NBEA: variants seen among roughly 807,000 people sequenced by gnomAD.
NBEA encodes the protein neurobeachin.
In NBEA, 44 loss-of-function variants were observed where a neutral mutation model predicts 343.4. The ratio of observed to expected loss-of-function variants is 0.13; its 90% CI spans 0.10 to 0.16. The LOEUF (loss-of-function observed/expected upper bound fraction) is 0.16. NBEA is among the 10% of genes least tolerant of loss of function. NBEA has a pLI of 1.00. For synonymous variants in NBEA, 1,175 were observed against 1,238.7 expected (o/e 0.95, Z 1.08); for missense variants, 2,555 against 3,631.3 (o/e 0.70, Z 7.62).
At chr13:35,613,134 A>G (rs2082595902) in intron 48 of NBEA, among the ~76,000 whole-genome samples, 1 of 150,102 alleles carries the variant, frequency 6.7e-6, no homozygotes, top group Non-Finnish European at 1.5e-5. Context: ...TTGCTGTGCA[A>G]TAGAACACCA....
intron 40 of NBEA, among the ~76,000 whole-genome samples, chr13:35,453,339 T>C (rs971595907): frequency 2.0e-5 from 3 of 152,228 alleles, no homozygotes; most frequent in African/African-American, 7.2e-5. Flanking sequence ...ATTTCTGTAT[T>C]ATAAAAACTA....
intron 18 of NBEA, among the ~76,000 whole-genome samples, chr13:35,144,115 T>C (rs187806366): frequency 9.2e-5 from 14 of 152,242 alleles, no homozygotes; most frequent in Non-Finnish European, 1.5e-4. Flanking sequence ...TTTTTGTTTC[T>C]TTGGGTTCTT....
intron 10 of NBEA, among the ~76,000 whole-genome samples, chr13:35,092,535 G>GT (rs1419949419): frequency 1.3e-5 from 2 of 151,908 alleles, no homozygotes; most frequent in African/African-American, 4.8e-5. Flanking sequence ...CTACAATTCA[G>GT]TTTTTAAAAG....
intron 16 of NBEA, among the ~76,000 whole-genome samples, chr13:35,123,024 G>A (rs559698953): frequency 7.9e-5 from 12 of 152,198 alleles, no homozygotes; most frequent in Non-Finnish European, 1.6e-4. Flanking sequence ...GGTGCAGGTG[G>A]CTCACGCCTG....
In NBEA at chr13:34,989,733, A is replaced by G. The variant is rs961913218; in HGVS notation, c.294+46619A>G. On this transcript the variant is annotated intron_variant, in intron 1 of 58. Coordinates refer to ENST00000379939, the MANE Select transcript of NBEA (RefSeq NM_001385012.1). ...GTCATGGCTTCCAAACAGACCCCCAATGTCTTAACTCATTCTAGCATTAAC... is the reference window on the plus strand; with the variant it reads ...GTCATGGCTTCCAAACAGACCCCCAGTGTCTTAACTCATTCTAGCATTAAC... 1.1e-4 allele frequency among the ~76,000 whole-genome samples: 17 copies of G among 150,652 alleles called. 2 individuals are homozygous for G. Among genetic ancestry groups the G allele is most frequent in the Non-Finnish European group, 1.9e-4 (13 of 67,306 alleles).
At chr13:35,612,380 C>A (rs146130963) in intron 48 of NBEA, among the ~76,000 whole-genome samples, 1 of 152,066 alleles carries the variant, frequency 6.6e-6, no homozygotes, top group African/African-American at 2.4e-5. Context: ...GATCTGCCCA[C>A]GTTGACCTCC....
intron 47 of NBEA, among the ~76,000 whole-genome samples, chr13:35,601,027 A>C (rs952683427): frequency 6.6e-6 from 1 of 152,122 alleles, no homozygotes; most frequent in African/African-American, 2.4e-5. Flanking sequence ...AAATACAAAA[A>C]TTAGTCAGCC....
At chr13:35,488,686 T>C (rs2076392341) in intron 41 of NBEA, among the ~76,000 whole-genome samples, 1 of 151,890 alleles carries the variant, frequency 6.6e-6, no homozygotes, top group Non-Finnish European at 1.5e-5. Flanking sequence ...GGTAAATACT[T>C]TTAAAAAGTG....
intron 53 of NBEA, 92 bp from the exon 54 acceptor site, chr13:35,654,763 A>T (rs1361969325): frequency 4.1e-6 from 4 of 969,970 alleles, no homozygotes; most frequent in Admixed American, 3.6e-5. Flanking sequence ...TTCTGGATAA[A>T]TGAAGCATGA....
chr13:35,277,946 G>A (rs1410522713), intron 34 of NBEA, among the ~76,000 whole-genome samples: 6 of 151,428 alleles, frequency 4.0e-5, no homozygotes, highest in Non-Finnish European at 8.8e-5. Flanking sequence ...AACTTAGCCA[G>A]TGTGGTGGCA....
intron 34 of NBEA, among the ~76,000 whole-genome samples, chr13:35,284,787 A>G (rs1441709006): frequency 2.0e-5 from 3 of 152,132 alleles, no homozygotes; most frequent in Non-Finnish European, 1.5e-5. Flanking sequence ...TTTTACAGAG[A>G]GAAGCATATC....
In NBEA at chr13:35,070,705, G is replaced by GT; in HGVS notation, c.1438-9dup. On this transcript the variant is annotated splice_polypyrimidine_tract_variant and intron_variant, in intron 9 of 58. Coordinates refer to ENST00000379939, the MANE Select transcript of NBEA (RefSeq NM_001385012.1). ...CTATAGAAGTTTAATAAACATTTTT[G>GT]TTTTTGGACATAGGATGTGAAAGCG... 2 of 1,563,412 alleles carry GT rather than the reference G, an allele frequency of 1.3e-6. No homozygotes were observed. Among genetic ancestry groups the GT allele is most frequent in the Non-Finnish European group, 1.7e-6 (2 of 1,146,134 alleles).
chr13:35,322,764 C>T (rs967574835), intron 36 of NBEA, among the ~76,000 whole-genome samples: 1 of 152,114 alleles, frequency 6.6e-6, no homozygotes, highest in Non-Finnish European at 1.5e-5. Context: ...TGTTATTTAT[C>T]TAAAACTAAA....
chr13:35,020,405 T>C (rs2061796737), intron 1 of NBEA, among the ~76,000 whole-genome samples: 1 of 152,208 alleles, frequency 6.6e-6, no homozygotes, highest in Non-Finnish European at 1.5e-5. Context: ...TCTCAGATAC[T>C]CTTAGCTTGA....
At chr13:35,264,398 T>C (rs1381315226) in intron 34 of NBEA, among the ~76,000 whole-genome samples, 1 of 151,876 alleles carries the variant, frequency 6.6e-6, no homozygotes, top group Non-Finnish European at 1.5e-5. Flanking sequence ...CAAACACATA[T>C]TACAAACCCA....
intron 18 of NBEA, among the ~76,000 whole-genome samples, chr13:35,143,662 G>T (rs1307581926): frequency 1.3e-5 from 2 of 152,026 alleles, no homozygotes; most frequent in Admixed American, 6.6e-5. Flanking sequence ...TTATAAAAAT[G>T]TTTTAAAAAT....
intron 41 of NBEA, among the ~76,000 whole-genome samples, chr13:35,524,023 C>T (rs966841683): frequency 2.6e-5 from 4 of 152,134 alleles, no homozygotes; most frequent in African/African-American, 9.7e-5. Flanking sequence ...TTTAAATATT[C>T]ACCATTTCCT....
chr13:35,610,925 CAAAT>C (rs1180029570), intron 48 of NBEA, among the ~76,000 whole-genome samples: 5 of 151,196 alleles, frequency 3.3e-5, no homozygotes, highest in Non-Finnish European at 7.4e-5. Context: ...ATGTAGATGG[CAAAT>C]AAACACATGA....
At position 35,647,715 on chromosome 13, in the gene NBEA, C is replaced by T. The variant is rs187716374; in HGVS notation, c.7770+1367C>T. 9.1e-4 allele frequency among the ~76,000 whole-genome samples: 139 copies of T among 152,070 alleles called. 1 individual carries two copies. The highest frequency in any genetic ancestry group is 3.1e-3 in the African/African-American group (130 of 41,476). On this transcript the variant is annotated intron_variant, in intron 51 of 58. Transcript: ENST00000379939. The stretch of plus-strand genomic sequence containing the variant: ...CCGAGTAGCCGGGATTACAGGTGTG[C>T]GCCACCACCCCTGGCTAATTTTTGT...
Sources: allele counts gnomAD v4.1 joint callset (sites outside exome capture counted in the v4.1 genomes callset), GRCh38; gene constraint gnomAD v4.1.1; transcripts MANE v1.5; gene names NCBI Gene and HGNC (gene_info 2026-07-23, HGNC 2026-07-21).